RBFOX1: variants seen among roughly 807,000 people sequenced by gnomAD.
RBFOX1 encodes RNA binding protein fox-1 homolog 1.
RBFOX1 carries 8 observed loss-of-function variants against 57.7 expected under a neutral mutation model. The ratio of observed to expected loss-of-function variants is 0.14; its 90% CI spans 0.08 to 0.25. RBFOX1 has a LOEUF of 0.25. RBFOX1 is among the 10% of genes least tolerant of loss of function. The probability of loss-of-function intolerance (pLI) is 1.00; values close to 1 mark genes in which losing one functional copy is unlikely to be tolerated. For synonymous variants in RBFOX1, 326 were observed against 222.4 expected (o/e 1.47, Z -4.15); for missense variants, 611 against 548.5 (o/e 1.11, Z -1.14).
At chr16:6,612,031 G>C (rs1567878127) in intron 2 of RBFOX1, among the ~76,000 whole-genome samples, 1 of 152,086 alleles carries the variant, frequency 6.6e-6, no homozygotes, top group Non-Finnish European at 1.5e-5. Context: ...TGGTTGAAAA[G>C]TCCCGGAATA....
intron 4 of RBFOX1, among the ~76,000 whole-genome samples, chr16:7,446,034 C>G (rs1029706391): frequency 1.4e-4 from 22 of 152,174 alleles, no homozygotes; most frequent in Admixed American, 6.5e-4. Flanking sequence ...GTAGCATGGT[C>G]TTGCTACAGC....
chr16:7,292,129 T>C (rs967666218), intron 4 of RBFOX1, among the ~76,000 whole-genome samples: 1 of 80,444 alleles, frequency 1.2e-5, no homozygotes, highest in African/African-American at 4.7e-5. Flanking sequence ...ATATAATATA[T>C]AATGTATTAC....
intron 1 of RBFOX1, among the ~76,000 whole-genome samples, chr16:5,273,311 C>G (rs1475662790): frequency 1.3e-5 from 2 of 151,776 alleles, no homozygotes; most frequent in Non-Finnish European, 2.9e-5. Flanking sequence ...TCCCATTATA[C>G]AGACACTAAT....
intron 1 of RBFOX1, among the ~76,000 whole-genome samples, chr16:5,341,167 G>A (rs551495642): frequency 6.6e-6 from 1 of 152,298 alleles, no homozygotes; most frequent in African/African-American, 2.4e-5. Context: ...GGAGTAGGAG[G>A]AGAGGAGGCT....
At chr16:6,674,536 G>C (rs1039181234) in intron 3 of RBFOX1, among the ~76,000 whole-genome samples, 1 of 152,096 alleles carries the variant, frequency 6.6e-6, no homozygotes, top group Non-Finnish European at 1.5e-5. Flanking sequence ...TGATCAGGAT[G>C]GTGTCGAACT....
At chr16:5,597,975 A>G (rs890694754) in intron 2 of RBFOX1, among the ~76,000 whole-genome samples, 1 of 152,148 alleles carries the variant, frequency 6.6e-6, no homozygotes, top group African/African-American at 2.4e-5. Flanking sequence ...TTAATACCCT[A>G]GTAAGGATTC....
intron 1 of RBFOX1, among the ~76,000 whole-genome samples, chr16:6,283,423 T>G (rs1291703491): frequency 1.3e-5 from 2 of 152,156 alleles, no homozygotes; most frequent in African/African-American, 4.8e-5. Context: ...TTATTCTGTT[T>G]TTATCCCAGT....
intron 4 of RBFOX1, among the ~76,000 whole-genome samples, chr16:6,011,014 C>T (rs35299826): frequency 6.6e-6 from 1 of 152,186 alleles, no homozygotes; most frequent in African/African-American, 2.4e-5. Context: ...CAAATGCATA[C>T]TCTTCTTTGT....
chr16:5,790,874 G>C (rs117036825), intron 3 of RBFOX1, among the ~76,000 whole-genome samples: 2 of 137,822 alleles, frequency 1.5e-5, no homozygotes, highest in Non-Finnish European at 1.6e-5. Flanking sequence ...TTTTTTTTTT[G>C]TTTTTTTTTT....
intron 1 of RBFOX1, among the ~76,000 whole-genome samples, chr16:6,148,350 C>T (rs1251399046): frequency 6.6e-6 from 1 of 152,118 alleles, no homozygotes; most frequent in Non-Finnish European, 1.5e-5. Context: ...AAACAAACTG[C>T]CAATGTGCTG....
chr16:5,545,617 A>G (rs961433399), intron 2 of RBFOX1, among the ~76,000 whole-genome samples: 8 of 152,204 alleles, frequency 5.3e-5, no homozygotes, highest in African/African-American at 1.7e-4. Flanking sequence ...GATCATTTCA[A>G]TGGATACAGA....
chr16:6,199,849 C>T (rs902788737), intron 1 of RBFOX1, among the ~76,000 whole-genome samples: 3 of 152,150 alleles, frequency 2.0e-5, no homozygotes, highest in African/African-American at 7.2e-5. Flanking sequence ...CACTCTCAGC[C>T]ACAGCTACCT....
At chr16:6,999,068 C>T (rs867431440) in intron 3 of RBFOX1, among the ~76,000 whole-genome samples, 1 of 151,140 alleles carries the variant, frequency 6.6e-6, no homozygotes, top group South Asian at 2.1e-4. Flanking sequence ...AGGGTTTCAC[C>T]ATGTTGGCCA....
intron 4 of RBFOX1, among the ~76,000 whole-genome samples, chr16:7,189,221 C>T (rs1476365529): frequency 2.0e-5 from 3 of 151,698 alleles, no homozygotes; most frequent in Non-Finnish European, 4.4e-5. Flanking sequence ...GTCAGGCGAT[C>T]GAGACCATCC....
At chr16:6,930,019 C>A (rs565780518) in intron 3 of RBFOX1, among the ~76,000 whole-genome samples, 1 of 152,174 alleles carries the variant, frequency 6.6e-6, no homozygotes, top group African/African-American at 2.4e-5. Flanking sequence ...AGATCTCTCT[C>A]TTCTCTCCAC....
chr16:7,173,299 A>G (rs1462130559), intron 4 of RBFOX1, among the ~76,000 whole-genome samples: 1 of 152,164 alleles, frequency 6.6e-6, no homozygotes, highest in African/African-American at 2.4e-5. Context: ...TAGAAACCAT[A>G]ATTTGAAGAA....
At chr16:5,757,709 G>A (rs1295666914) in intron 3 of RBFOX1, among the ~76,000 whole-genome samples, 1 of 152,182 alleles carries the variant, frequency 6.6e-6, no homozygotes, top group African/African-American at 2.4e-5. Context: ...TTACAACAGT[G>A]CTATGAAGTT....
At chr16:6,840,891 A>AG (rs2093421992) in intron 3 of RBFOX1, among the ~76,000 whole-genome samples, 1 of 140,882 alleles carries the variant, frequency 7.1e-6, no homozygotes, top group African/African-American at 2.8e-5. Flanking sequence ...CTGTCTCAAA[A>AG]AAAAAAAAAA....
intron 3 of RBFOX1, among the ~76,000 whole-genome samples, chr16:6,776,698 A>G (rs1464765977): frequency 6.6e-6 from 1 of 152,174 alleles, no homozygotes; most frequent in Admixed American, 6.5e-5. Context: ...AAGCTCCCCC[A>G]TGCCTGCCAG....
Sources: gnomAD v4.1 joint callset for allele counts (sites outside exome capture counted in the v4.1 genomes callset) on GRCh38, gnomAD v4.1.1 for gene constraint, MANE v1.5 for transcripts, NCBI Gene and HGNC (gene_info 2026-07-23, HGNC 2026-07-21) for gene names.